The following PTPN14 variants were observed in gnomAD, a reference collection of about 807,000 sequenced individuals.
The protein encoded by PTPN14 is protein tyrosine phosphatase non-receptor type 14.
Under a neutral mutation model 126.8 loss-of-function variants are expected in PTPN14, and 53 were observed. The observed-to-expected ratio is 0.42, with a 90% CI of 0.34 to 0.53. The LOEUF (loss-of-function observed/expected upper bound fraction) is 0.53. Among genes scored for constraint, PTPN14 ranks in the 20% least tolerant of loss-of-function variants. The pLI, the probability that PTPN14 is intolerant of heterozygous loss-of-function variation, is 0.08. For synonymous variants in PTPN14, 630 were observed against 599.3 expected (o/e 1.05, Z -0.75); for missense variants, 1,257 against 1,552.9 (o/e 0.81, Z 3.20).
chr1:214,392,853 G>A (rs902954488), intron 10 of PTPN14, among the ~76,000 whole-genome samples: 6 of 152,170 alleles, frequency 3.9e-5, no homozygotes, highest in South Asian at 2.1e-4. Context: ...AAGCAGCCGC[G>A]TTCTTCAGCA....
At chr1:214,436,523 A>G (rs1659919661) in intron 3 of PTPN14, among the ~76,000 whole-genome samples, 1 of 152,198 alleles carries the variant, frequency 6.6e-6, no homozygotes, top group South Asian at 2.1e-4. Flanking sequence ...AGGGCTGGGT[A>G]CAGTGGCTCA....
At chr1:214,487,628 C>A (rs1047518632) in intron 1 of PTPN14, among the ~76,000 whole-genome samples, 1 of 46,792 alleles carries the variant, frequency 2.1e-5, no homozygotes, top group African/African-American at 1.1e-4. Flanking sequence ...AGCAAGACTC[C>A]GTCTCAAAAA....
rs1037646487 is a variant in PTPN14 at position 214,369,396 on chromosome 1, G to A, written c.3271+61C>T. 25 of 1,480,108 alleles carry A rather than the reference G, an allele frequency of 1.7e-5. No individual in the cohort carries two copies. The South Asian group carries it at 2.8e-4, about 16-fold the overall frequency. The allele number at this position is 1,480,108 out of a possible 1,614,324, so 91.7% of individuals were successfully genotyped here. A position where few individuals can be genotyped will look rare whatever the true frequency, so the allele number is the denominator to read the frequency against. On this transcript the variant is annotated intron_variant, in intron 17 of 18. Coordinates refer to ENST00000366956, the MANE Select transcript of PTPN14 (RefSeq NM_005401.5). ...TTTTTCCATTTCATCTCCAACAGAT[G>A]AATTATTGACACAGATCATAAAAGT...
At chr1:214,362,871 G>A (rs2102507679) in intron 18 of PTPN14, among the ~76,000 whole-genome samples, 1 of 152,258 alleles carries the variant, frequency 6.6e-6, no homozygotes, top group Middle Eastern at 3.4e-3. Context: ...AACAAGGGGG[G>A]AATTTGGTGA....
At chr1:214,426,847 G>A (rs72757978) in intron 3 of PTPN14, among the ~76,000 whole-genome samples, 3 of 152,186 alleles carry the variant, frequency 2.0e-5, no homozygotes, top group East Asian at 1.9e-4. Flanking sequence ...GTCAGTGGCT[G>A]TACGGGGCAC....
At chr1:214,363,843 A>T (rs1409090699) in intron 18 of PTPN14, among the ~76,000 whole-genome samples, 1 of 152,200 alleles carries the variant, frequency 6.6e-6, no homozygotes, top group African/African-American at 2.4e-5. Flanking sequence ...CCTACACAAA[A>T]TTGAAAGTCT....
At chr1:214,538,716 G>A (rs545312232) in intron 1 of PTPN14, among the ~76,000 whole-genome samples, 1 of 152,266 alleles carries the variant, frequency 6.6e-6, no homozygotes, top group East Asian at 1.9e-4. Context: ...TTGCTTGCTT[G>A]CTTCTTGGCA....
intron 1 of PTPN14, among the ~76,000 whole-genome samples, chr1:214,547,212 C>T (rs1328786774): frequency 1.3e-5 from 2 of 152,152 alleles, no homozygotes; most frequent in East Asian, 3.9e-4. Context: ...GGGCAAGATA[C>T]ATTTCCTCTC....
chr1:214,383,686 C>T lies in PTPN14; in HGVS notation c.2169G>A (p.Gln723=), dbSNP rs375220888. 1.4e-5 allele frequency: 22 copies of T among 1,613,366 alleles called. No homozygotes were observed. The highest frequency in any genetic ancestry group is 1.7e-5 in the Non-Finnish European group (20 of 1,180,040). The stretch of plus-strand genomic sequence containing the variant: ...CCATCTTCTCCCGGAGCATGGGGAT[C>T]TGGGGCACCGATTCTGGAGCCTCCT... The part of the protein sequence containing the change: ...EEEEAPESVP[Q]IPMLREKMEY... Residue 723 remains glutamine (Q), a synonymous_variant, in exon 13 of 19, where the codon CAG becomes CAA. Coordinates refer to ENST00000366956, the MANE Select transcript of PTPN14 (RefSeq NM_005401.5). This position sits in a 1 kb window ranked among gnomAD's most constrained non-coding sequence, Gnocchi z 4.4.
chr1:214,403,154 ACAGGTTATTTC>A (rs1659075549), intron 5 of PTPN14, among the ~76,000 whole-genome samples: 1 of 152,154 alleles, frequency 6.6e-6, no homozygotes, highest in Non-Finnish European at 1.5e-5. Context: ...CTCCATTATA[ACAGGTTATTTC>A]CAGGCATATT....
intron 1 of PTPN14, among the ~76,000 whole-genome samples, chr1:214,490,497 T>C (rs1027629521): frequency 6.6e-6 from 1 of 152,142 alleles, no homozygotes; most frequent in Admixed American, 6.5e-5. Context: ...TGTGTATGCA[T>C]AAATGAGAAT....
chr1:214,542,982 CAAT>C (rs1466625476), intron 1 of PTPN14, among the ~76,000 whole-genome samples: 8 of 152,120 alleles, frequency 5.3e-5, no homozygotes, highest in African/African-American at 1.9e-4. Context: ...GGGGGAATAT[CAAT>C]GATATCACTG....
chr1:214,386,497 A>G (rs75593498), intron 12 of PTPN14, among the ~76,000 whole-genome samples: 3,766 of 152,322 alleles, frequency 0.025, 92 homozygotes, highest in Non-Finnish European at 0.037. Context: ...TGAAAAGCTG[A>G]GTGACTGCCA....
chr1:214,366,733 G>A (rs1214434071), intron 17 of PTPN14, among the ~76,000 whole-genome samples: 2 of 152,090 alleles, frequency 1.3e-5, no homozygotes, highest in African/African-American at 2.4e-5. Context: ...TTGGCCGGGC[G>A]CGGTGGCTCA....
Position 214,356,044 on chromosome 1 carries a change from G to A in PTPN14, c.*1878C>T, listed in dbSNP as rs1357792436. ...CAAGATCACGGCTCACTGCAGTCTC[G>A]AATTCTTAGAATCAGGTGATCCTCC... On this transcript the variant is annotated 3_prime_UTR_variant, in exon 19 of 19. Coordinates refer to ENST00000366956, the MANE Select transcript of PTPN14 (RefSeq NM_005401.5). 6.2e-5 allele frequency: 9 copies of A among 145,418 alleles called. No homozygotes were observed. The South Asian group carries it at 1.1e-3, about 18-fold the overall frequency. 9.0% of individuals were successfully genotyped at this position (145,418 alleles called of 1,614,324 possible).
At chr1:214,487,605 G>A (rs1203663934) in intron 1 of PTPN14, among the ~76,000 whole-genome samples, 1 of 141,154 alleles carries the variant, frequency 7.1e-6, no homozygotes, top group East Asian at 2.4e-4. Context: ...CTGCACTCCA[G>A]CCTGGGAGAC....
intron 2 of PTPN14, among the ~76,000 whole-genome samples, chr1:214,459,643 TATTTTA>T (rs1660464373): frequency 1.3e-5 from 2 of 151,872 alleles, no homozygotes; most frequent in African/African-American, 4.8e-5. Flanking sequence ...CTAATTTTTG[TATTTTA>T]GTAGGGACGG....
Position 214,358,060 on chromosome 1 carries a change from A to G in PTPN14, c.3436-10T>C. ...TGGGCACTTCCACCTTCTGCAAGAA[A>G]AGAGAGAAAGCACAAGGTCCTGAGA... On this transcript the variant is annotated splice_polypyrimidine_tract_variant and intron_variant, in intron 18 of 18. Transcript: ENST00000366956. 6.2e-7 allele frequency: 1 copy of G among 1,612,526 alleles called. No homozygotes were observed. The highest frequency in any genetic ancestry group is 8.5e-7 in the Non-Finnish European group (1 of 1,179,600).
intron 5 of PTPN14, among the ~76,000 whole-genome samples, chr1:214,407,661 C>G (rs1659201886): frequency 6.6e-6 from 1 of 152,210 alleles, no homozygotes; most frequent in South Asian, 2.1e-4. Context: ...AAACCTAAAA[C>G]CTTTGTCACC....
Sources: allele counts gnomAD v4.1 joint callset (sites outside exome capture counted in the v4.1 genomes callset), GRCh38; gene constraint gnomAD v4.1.1; non-coding constraint Gnocchi (gnomAD v3.1); transcripts MANE v1.5; gene names NCBI Gene and HGNC (gene_info 2026-07-23, HGNC 2026-07-21).